Variants in CSMD1 observed in about 807,000 individuals in gnomAD.
The protein encoded by CSMD1 is CUB and sushi domain-containing protein 1.
A neutral mutation model predicts 417.5 loss-of-function variants in CSMD1; 213 were observed. The observed-to-expected ratio is 0.51, with a 90% CI of 0.46 to 0.57. CSMD1 has a LOEUF of 0.57. Among genes scored for constraint, CSMD1 ranks in the 20% least tolerant of loss-of-function variants. The pLI is 0.00. For synonymous variants in CSMD1, 2,862 were observed against 1,736.8 expected (o/e 1.65, Z -16.11); for missense variants, 6,923 against 4,529.7 (o/e 1.53, Z -15.17).
intron 23 of CSMD1, among the ~76,000 whole-genome samples, chr8:3,311,422 G>A (rs1451519030): frequency 1.3e-5 from 2 of 151,998 alleles, no homozygotes; most frequent in Non-Finnish European, 2.9e-5. Context: ...GCTAATTTTT[G>A]TATTTTTAGT....
At chr8:4,394,227 T>A (rs945168700) in intron 3 of CSMD1, among the ~76,000 whole-genome samples, 4 of 152,198 alleles carry the variant, frequency 2.6e-5, no homozygotes, top group African/African-American at 9.6e-5. Flanking sequence ...AGAAAAACAG[T>A]AATTATTTTA....
intron 8 of CSMD1, among the ~76,000 whole-genome samples, chr8:3,591,584 A>C (rs1800847162): frequency 6.6e-6 from 1 of 152,168 alleles, no homozygotes; most frequent in Admixed American, 6.5e-5. Flanking sequence ...CAGAGATTAC[A>C]CTAATCTACT....
chr8:3,939,655 G>C (rs1183466615), intron 5 of CSMD1, among the ~76,000 whole-genome samples: 2 of 152,036 alleles, frequency 1.3e-5, no homozygotes, highest in Non-Finnish European at 2.9e-5. Context: ...AGAAAATGTG[G>C]TATATATACA....
At chr8:4,332,111 A>C (rs1302091088) in intron 3 of CSMD1, among the ~76,000 whole-genome samples, 1 of 152,176 alleles carries the variant, frequency 6.6e-6, no homozygotes, top group African/African-American at 2.4e-5. Flanking sequence ...GAAACCACGC[A>C]TAATTCTACC....
chr8:3,794,854 G>C (rs554450114), intron 5 of CSMD1, among the ~76,000 whole-genome samples: 147 of 128,638 alleles, frequency 1.1e-3, no homozygotes, highest in African/African-American at 3.8e-3. Flanking sequence ...CCCATATCCG[G>C]GATCAATTTA....
intron 1 of CSMD1, among the ~76,000 whole-genome samples, chr8:4,958,748 A>T (rs1261187163): frequency 6.6e-6 from 1 of 151,362 alleles, no homozygotes; most frequent in African/African-American, 2.5e-5. Flanking sequence ...ATAAGTCATC[A>T]GTAATTTCCC....
intron 52 of CSMD1, among the ~76,000 whole-genome samples, chr8:3,016,826 T>C (rs1211813683): frequency 1.3e-5 from 2 of 152,200 alleles, no homozygotes; most frequent in Non-Finnish European, 2.9e-5. Flanking sequence ...CTAAGATGTA[T>C]TGCATAGCAC....
Position 4,923,644 on chromosome 8 carries a change from G to A in CSMD1, c.85+70688C>T, listed in dbSNP as rs189113953. ...ACACTTGTATTCTACATTGCTTCCT[G>A]CACTCACATGTTCTCTCCTGGTATA... On this transcript the variant is annotated intron_variant, in intron 1 of 69. Transcript: ENST00000635120. 2.4e-4 allele frequency among the ~76,000 whole-genome samples: 37 copies of A among 152,150 alleles called. No homozygotes were observed. In the East Asian group the frequency reaches 7.1e-3, roughly 29 times the overall value.
At chr8:4,018,992 A>C (rs1452497371) in intron 4 of CSMD1, among the ~76,000 whole-genome samples, 1 of 152,206 alleles carries the variant, frequency 6.6e-6, no homozygotes, top group Non-Finnish European at 1.5e-5. Flanking sequence ...AACTCTGATT[A>C]CCACACTTTC....
chr8:3,408,098 T>A lies in CSMD1; in HGVS notation c.1872A>T (p.Leu624=), dbSNP rs763305260. The A allele has an allele frequency of 1.9e-6, 3 of 1,613,872 alleles. No individual in the cohort carries two copies. In the East Asian group the frequency reaches 6.7e-5, roughly 36 times the overall value. ...GCTCAACATCAAAATCATTAAAGAT[T>A]AGGTGAATTCGACTTCCTGGCTCCG... is the stretch of plus-strand genomic sequence containing the variant. ...IISEPGSRIH[L]IFNDFDVEPQ... Residue 624 remains leucine (L), a synonymous_variant, in exon 14 of 70, where the codon CTA becomes CTT. Transcript: ENST00000635120.
intron 5 of CSMD1, among the ~76,000 whole-genome samples, chr8:3,968,079 C>T (rs1488583791): frequency 6.6e-6 from 1 of 150,904 alleles, no homozygotes; most frequent in Non-Finnish European, 1.5e-5. Context: ...CCCAGCTCCT[C>T]GGCAGGCTGA....
At chr8:3,249,941 AATT>A (rs763528836) in intron 26 of CSMD1, among the ~76,000 whole-genome samples, 30 of 152,350 alleles carry the variant, frequency 2.0e-4, no homozygotes, top group Non-Finnish European at 3.5e-4. Context: ...TCAAGGACAA[AATT>A]ATTATATTTT....
intron 3 of CSMD1, among the ~76,000 whole-genome samples, chr8:4,298,699 C>T (rs796084520): frequency 3.0e-4 from 46 of 152,164 alleles, no homozygotes; most frequent in Admixed American, 1.0e-3. Flanking sequence ...TCAGGCTACT[C>T]TGATACTAAA....
chr8:4,473,274 G>A (rs544255673), intron 2 of CSMD1, among the ~76,000 whole-genome samples: 7 of 152,098 alleles, frequency 4.6e-5, no homozygotes, highest in African/African-American at 9.6e-5. Flanking sequence ...TTACATTTTC[G>A]GATTTAGAAA....
At chr8:4,363,249 T>G (rs2128908615) in intron 3 of CSMD1, among the ~76,000 whole-genome samples, 1 of 152,304 alleles carries the variant, frequency 6.6e-6, no homozygotes, top group African/African-American at 2.4e-5. Context: ...TCAATTTTCT[T>G]TTTCCATTAT....
At chr8:4,394,645 T>C (rs1381445995) in intron 3 of CSMD1, among the ~76,000 whole-genome samples, 2 of 149,184 alleles carry the variant, frequency 1.3e-5, no homozygotes, top group Non-Finnish European at 3.0e-5. Context: ...CCTGTGATAG[T>C]AGTAGAATTT....
intron 6 of CSMD1, among the ~76,000 whole-genome samples, chr8:3,712,169 T>G (rs1401109307): frequency 2.0e-5 from 2 of 101,970 alleles, no homozygotes; most frequent in African/African-American, 6.9e-5. Context: ...TACTACGTTC[T>G]CTTATTGGAC....
At position 4,846,563 on chromosome 8, in the gene CSMD1, A is replaced by G. The variant is rs578092789; in HGVS notation, c.85+147769T>C. On this transcript the variant is annotated intron_variant, in intron 1 of 69. Coordinates refer to ENST00000635120, the MANE Select transcript of CSMD1 (RefSeq NM_033225.6). ...AGGCTCCTGTAAGATTCTGCTTTAA[A>G]CTCATGGTACTTTTCTACCCCCTGT... Among the ~76,000 whole-genome samples, 6 of 152,020 alleles carry G rather than the reference A, an allele frequency of 3.9e-5. No homozygotes were observed. In the South Asian group the frequency reaches 1.3e-3, roughly 32 times the overall value.
chr8:3,060,215 A>G lies in CSMD1; in HGVS notation c.7475-7568T>C, dbSNP rs1011620837. On this transcript the variant is annotated intron_variant, in intron 49 of 69. Transcript: ENST00000635120. Reference sequence around the variant, plus strand: ...GGCTGGAGTGCAGTGGTGTGATCTCAGCTCACTCTAACCTCCACCTCCCGA... The same window carrying G: ...GGCTGGAGTGCAGTGGTGTGATCTCGGCTCACTCTAACCTCCACCTCCCGA... Among the ~76,000 whole-genome samples the G allele has an allele frequency of 1.2e-4, 17 of 146,054 alleles. No individual in the cohort carries two copies. In the Admixed American group the frequency reaches 1.2e-3, roughly 10 times the overall value.
Sources: allele counts gnomAD v4.1 joint callset (sites outside exome capture counted in the v4.1 genomes callset), GRCh38; gene constraint gnomAD v4.1.1; transcripts MANE v1.5; gene names NCBI Gene and HGNC (gene_info 2026-07-23, HGNC 2026-07-21).